The following DOCK2 variants were observed in gnomAD, a reference collection of about 807,000 sequenced individuals.
The protein encoded by DOCK2 is dedicator of cytokinesis protein 2.
A neutral mutation model predicts 248.9 loss-of-function variants in DOCK2; 87 were observed. That is an observed-to-expected ratio of 0.35 (90% CI 0.29 to 0.42). DOCK2 has a LOEUF of 0.42. Ranked by LOEUF, DOCK2 falls within the 10% of genes least tolerant of loss-of-function variation. The probability of loss-of-function intolerance (pLI) is 1.00; values close to 1 mark genes in which losing one functional copy is unlikely to be tolerated. For synonymous variants in DOCK2, 805 were observed against 821.6 expected (o/e 0.98, Z 0.35); for missense variants, 1,747 against 2,300.2 (o/e 0.76, Z 4.92).
chr5:169,827,512 A>G (rs1768944645), intron 26 of DOCK2, among the ~76,000 whole-genome samples: 1 of 152,236 alleles, frequency 6.6e-6, no homozygotes, highest in Non-Finnish European at 1.5e-5. Flanking sequence ...GTGACTGAGC[A>G]TTCATAGAAA....
At chr5:169,911,605 A>G (rs920987151) in intron 27 of DOCK2, among the ~76,000 whole-genome samples, 1 of 152,194 alleles carries the variant, frequency 6.6e-6, no homozygotes, top group South Asian at 2.1e-4. Context: ...GCTTCATTTC[A>G]CGTGGTGCTA....
intron 34 of DOCK2, among the ~76,000 whole-genome samples, chr5:170,029,782 A>G (rs2113833189): frequency 6.6e-6 from 1 of 152,280 alleles, no homozygotes; most frequent in East Asian, 1.9e-4. Flanking sequence ...TCCTTTTTGA[A>G]TGTTTTAAAT....
At chr5:169,882,568 C>G in intron 27 of DOCK2, 1 of 1,546,884 alleles carries the variant, frequency 6.5e-7, no homozygotes, top group Non-Finnish European at 8.7e-7. Flanking sequence ...AGTGAGAGCT[C>G]GAGCTTTCTC....
rs1554100111 is a variant in DOCK2 at position 169,780,333 on chromosome 5, G to GTGGA, written c.2554+18710_2554+18711insGATG. Among the ~76,000 whole-genome samples the GTGGA allele has an allele frequency of 2.4e-4, 35 of 145,098 alleles. 1 individual carries two copies. The East Asian group carries it at 5.5e-3, about 23-fold the overall frequency. On this transcript the variant is annotated intron_variant, in intron 25 of 51. Coordinates refer to ENST00000520908, the MANE Select transcript of DOCK2 (RefSeq NM_004946.3). ...TGTGTGTGTGTGTGTGTGTGTGTGT[G>GTGGA]TGTGTGTTGAATCGTTCTAACACAC... is the stretch of plus-strand genomic sequence containing the variant.
intron 5 of DOCK2, 21 bp from the exon 6 acceptor site, chr5:169,674,276 G>A: frequency 6.2e-7 from 1 of 1,613,116 alleles, no homozygotes; most frequent in Non-Finnish European, 8.5e-7. Flanking sequence ...AGGTAATTAT[G>A]GGTTGTTTCT....
intron 1 of DOCK2, among the ~76,000 whole-genome samples, chr5:169,648,522 G>T (rs1272307252): frequency 6.6e-6 from 1 of 152,306 alleles, no homozygotes; most frequent in Non-Finnish European, 1.5e-5. Context: ...CTGGCACAGT[G>T]CTGGGACCAA....
At chr5:169,882,981 T>C (rs1334057239) in intron 27 of DOCK2, 3 of 1,551,532 alleles carry the variant, frequency 1.9e-6, no homozygotes, top group South Asian at 1.2e-5. Flanking sequence ...TGTGAGTCCG[T>C]GGAGATGAAG....
intron 14 of DOCK2, among the ~76,000 whole-genome samples, chr5:169,707,072 G>A (rs1761309171): frequency 6.6e-6 from 1 of 152,200 alleles, no homozygotes; most frequent in Admixed American, 6.5e-5. Flanking sequence ...CAAATCTTAT[G>A]AATCTGGCAA....
intron 33 of DOCK2, among the ~76,000 whole-genome samples, chr5:170,019,853 C>T (rs1468887633): frequency 6.6e-6 from 1 of 152,010 alleles, no homozygotes; most frequent in Non-Finnish European, 1.5e-5. Context: ...TGAGCCGTTC[C>T]CTCAGGCCTC....
chr5:169,893,275 C>A (rs1581371450), intron 27 of DOCK2, among the ~76,000 whole-genome samples: 1 of 152,310 alleles, frequency 6.6e-6, no homozygotes, highest in African/African-American at 2.4e-5. Flanking sequence ...TGAAAGGTCA[C>A]CTCCAGCTTG....
intron 25 of DOCK2, among the ~76,000 whole-genome samples, chr5:169,796,395 A>G (rs985539330): frequency 7.2e-5 from 11 of 152,132 alleles, no homozygotes; most frequent in Non-Finnish European, 1.6e-4. Flanking sequence ...GTAATGGCAT[A>G]TCCCATGGAA....
At chr5:169,856,649 A>G (rs1770913810) in intron 27 of DOCK2, among the ~76,000 whole-genome samples, 1 of 152,230 alleles carries the variant, frequency 6.6e-6, no homozygotes, top group Non-Finnish European at 1.5e-5. Context: ...GACACCAGCA[A>G]GTAACTTCTC....
intron 50 of DOCK2, chr5:170,080,618 A>G: frequency 6.6e-6 from 2 of 303,392 alleles, no homozygotes; most frequent in Non-Finnish European, 6.3e-6. Context: ...TGCCCTTGGT[A>G]TGTCCCTAAG....
intron 30 of DOCK2, among the ~76,000 whole-genome samples, chr5:170,003,828 T>C (rs1754923749): frequency 6.6e-6 from 1 of 152,238 alleles, no homozygotes; most frequent in African/African-American, 2.4e-5. Flanking sequence ...AATATCTAGT[T>C]GTGACCACTG....
intron 30 of DOCK2, among the ~76,000 whole-genome samples, chr5:170,006,895 G>A (rs1422171769): frequency 6.6e-6 from 1 of 152,186 alleles, no homozygotes; most frequent in Non-Finnish European, 1.5e-5. Flanking sequence ...TAGCTCTGCT[G>A]TGTATACATC....
intron 30 of DOCK2, 49 bp downstream of exon 30, chr5:169,996,213 T>G: frequency 1.3e-6 from 2 of 1,579,342 alleles, no homozygotes; most frequent in Non-Finnish European, 1.7e-6. Context: ...AGGGCGTCTC[T>G]GACATTCTGG....
At chr5:169,964,745 C>CA (rs1445647076) in intron 27 of DOCK2, among the ~76,000 whole-genome samples, 6 of 152,224 alleles carry the variant, frequency 3.9e-5, no homozygotes, top group Non-Finnish European at 2.9e-5. Context: ...AGTATAGTTT[C>CA]AGATGAGCTG....
intron 9 of DOCK2, among the ~76,000 whole-genome samples, chr5:169,689,782 A>T (rs1760188386): frequency 6.6e-6 from 1 of 152,232 alleles, no homozygotes; most frequent in African/African-American, 2.4e-5. Flanking sequence ...GCCTTGGTAA[A>T]TTGGACATTC....
intron 25 of DOCK2, among the ~76,000 whole-genome samples, chr5:169,765,422 C>G (rs141945683): frequency 6.6e-6 from 1 of 152,164 alleles, no homozygotes; most frequent in African/African-American, 2.4e-5. Context: ...GCTGTCTTCT[C>G]CAACACAAGC....
Sources: allele counts gnomAD v4.1 joint callset (sites outside exome capture counted in the v4.1 genomes callset), GRCh38; gene constraint gnomAD v4.1.1; transcripts MANE v1.5; gene names NCBI Gene and HGNC (gene_info 2026-07-23, HGNC 2026-07-21).